PRCC: variants seen among roughly 807,000 people sequenced by gnomAD.
PRCC encodes the protein proline-rich protein PRCC.
Under a neutral mutation model 44.0 loss-of-function variants are expected in PRCC, and 10 were observed. The ratio of observed to expected loss-of-function variants is 0.23; its 90% CI spans 0.14 to 0.39. PRCC has a LOEUF of 0.39. PRCC is among the 10% of genes least tolerant of loss of function. The probability of loss-of-function intolerance (pLI) is 1.00; values close to 1 mark genes in which losing one functional copy is unlikely to be tolerated. For synonymous variants in PRCC, 278 were observed against 259.5 expected (o/e 1.07, Z -0.69); for missense variants, 573 against 624.7 (o/e 0.92, Z 0.88).
At chr1:156,779,050 C>T (rs1651931228) in intron 1 of PRCC, among the ~76,000 whole-genome samples, 1 of 140,334 alleles carries the variant, frequency 7.1e-6, no homozygotes, top group Non-Finnish European at 1.5e-5. Flanking sequence ...TCCCCCGCCT[C>T]AGCCTCCCAA....
At chr1:156,787,580 C>T (rs913294462) in intron 3 of PRCC, among the ~76,000 whole-genome samples, 10 of 142,106 alleles carry the variant, frequency 7.0e-5, no homozygotes, top group African/African-American at 2.4e-4. Flanking sequence ...TTGCATGTCA[C>T]GGGTTTGGTG....
At chr1:156,789,197 T>C (rs1476790168) in intron 3 of PRCC, among the ~76,000 whole-genome samples, 2 of 152,226 alleles carry the variant, frequency 1.3e-5, no homozygotes, top group East Asian at 3.8e-4. Context: ...CTGGAACTCC[T>C]GATCTCAGGT....
At chr1:156,791,169 T>G in intron 3 of PRCC, 1 of 1,400,606 alleles carries the variant, frequency 7.1e-7, no homozygotes, top group Non-Finnish European at 9.7e-7. Flanking sequence ...CTTTGTAAGT[T>G]TCATTGTATC....
chr1:156,769,919 C>T (rs1266660716), intron 1 of PRCC, among the ~76,000 whole-genome samples: 1 of 152,066 alleles, frequency 6.6e-6, no homozygotes, highest in African/African-American at 2.4e-5. Flanking sequence ...CATTTTATTT[C>T]CCCCTTCTTT....
intron 3 of PRCC, 55 bp downstream of exon 3, chr1:156,787,229 G>C: frequency 6.5e-7 from 1 of 1,529,224 alleles, no homozygotes; most frequent in Non-Finnish European, 8.9e-7. Context: ...GGTGGTCAAG[G>C]AGAGCTTTGA....
intron 1 of PRCC, among the ~76,000 whole-genome samples, chr1:156,779,128 ATTTTTTTTT>A (rs869088692): frequency 2.5e-3 from 88 of 35,826 alleles, no homozygotes; most frequent in African/African-American, 5.8e-3. Context: ...ATATATATAT[ATTTTTTTTT>A]TTTTTTTTTT....
intron 1 of PRCC, among the ~76,000 whole-genome samples, chr1:156,769,058 G>A (rs563351330): frequency 2.1e-4 from 32 of 152,354 alleles, no homozygotes; most frequent in African/African-American, 6.3e-4. Context: ...GGCTCCTGGA[G>A]TGAGGGCTTT....
chr1:156,778,184 C>T lies in PRCC; in HGVS notation c.469-4098C>T, dbSNP rs760678483. Among the ~76,000 whole-genome samples the T allele has an allele frequency of 3.9e-5, 6 of 152,180 alleles. No individual in the cohort carries two copies. The South Asian group carries it at 8.3e-4, about 21-fold the overall frequency. On this transcript the variant is annotated intron_variant, in intron 1 of 6. Coordinates refer to ENST00000271526, the MANE Select transcript of PRCC (RefSeq NM_005973.5). The stretch of plus-strand genomic sequence containing the variant: ...ATTCTTCCTGTCTGAGATTTTGTGC[C>T]CTTTTACCATCGTCTCCTCAGTGGT...
intron 1 of PRCC, among the ~76,000 whole-genome samples, chr1:156,775,508 T>TA (rs1335871948): frequency 1.4e-5 from 2 of 139,574 alleles, no homozygotes; most frequent in East Asian, 2.7e-4. Context: ...ATGGCCGATT[T>TA]AAAATTTTTT....
chr1:156,785,947 G>C lies in PRCC; in HGVS notation c.517-661G>C, dbSNP rs185047078. Among the ~76,000 whole-genome samples the C allele has an allele frequency of 5.4e-4, 82 of 152,098 alleles. No homozygotes were observed. In the Middle Eastern group the frequency reaches 0.014, roughly 25 times the overall value. ...CTGCCTCAGCCTCCCAAGTAGCTGA[G>C]ATTACAGGCACCCACCACCATGCCT... On this transcript the variant is annotated intron_variant, in intron 2 of 6. Coordinates refer to ENST00000271526, the MANE Select transcript of PRCC (RefSeq NM_005973.5).
intron 2 of PRCC, among the ~76,000 whole-genome samples, chr1:156,783,939 T>C (rs1652140241): frequency 6.9e-6 from 1 of 145,936 alleles, no homozygotes; most frequent in Admixed American, 7.1e-5. Flanking sequence ...TTTGTATTTA[T>C]TTATTTAATT....
intron 4 of PRCC, 116 bp from the exon 5 acceptor site, chr1:156,794,549 T>C: frequency 7.9e-7 from 1 of 1,265,530 alleles, no homozygotes; most frequent in Non-Finnish European, 1.1e-6. Flanking sequence ...CGTAGAGAAC[T>C]GAGGGTGCCT....
chr1:156,776,853 T>C (rs1651846742), intron 1 of PRCC, among the ~76,000 whole-genome samples: 1 of 152,136 alleles, frequency 6.6e-6, no homozygotes, highest in South Asian at 2.1e-4. Context: ...GAGATAAGTC[T>C]TCATGGTCAA....
chr1:156,769,598 T>A (rs56036625), intron 1 of PRCC, among the ~76,000 whole-genome samples: 4,798 of 152,130 alleles, frequency 0.032, 265 homozygotes, highest in African/African-American at 0.11. Flanking sequence ...TTTTAAATTT[T>A]TTTTATTTTT....
In PRCC at chr1:156,788,134, T is replaced by C. The variant is rs140295766; in HGVS notation, c.1083+960T>C. Among the ~76,000 whole-genome samples the C allele has an allele frequency of 3.1e-3, 467 of 152,314 alleles. 4 individuals are homozygous for C. Among genetic ancestry groups the C allele is most frequent in the African/African-American group, 0.011 (441 of 41,572 alleles). ...TATAGTGTGAGCCACCACACTTGGC[T>C]GTAATAGGTAGTTTTTGATCCTTAC... On this transcript the variant is annotated intron_variant, in intron 3 of 6. Transcript: ENST00000271526.
Position 156,767,571 on chromosome 1 carries a change from C to G in PRCC, c.-201C>G. ...GTGTGTAGTTGCCCGGGACTAGGAG[C>G]TTAAGTGAAGAGGTACGCCTTGTTC... On this transcript the variant is annotated 5_prime_UTR_variant, in exon 1 of 7. Coordinates refer to ENST00000271526, the MANE Select transcript of PRCC (RefSeq NM_005973.5). 1.7e-6 allele frequency: 1 copy of G among 601,078 alleles called. No homozygotes were observed. 37.2% of individuals were successfully genotyped at this position (601,078 alleles called of 1,614,324 possible). A position where few individuals can be genotyped will look rare whatever the true frequency, so the allele number is the denominator to read the frequency against.
intron 5 of PRCC, 105 bp downstream of exon 5, chr1:156,794,913 C>G: frequency 7.0e-7 from 1 of 1,435,344 alleles, no homozygotes; most frequent in Non-Finnish European, 9.6e-7. Flanking sequence ...TGTCACAGCA[C>G]CTTTAGCAAA....
intron 1 of PRCC, among the ~76,000 whole-genome samples, chr1:156,770,521 T>C (rs910379693): frequency 1.3e-5 from 2 of 152,242 alleles, no homozygotes; most frequent in African/African-American, 4.8e-5. Flanking sequence ...ATTACAGGCA[T>C]GTGCCACCAC....
At position 156,793,503 on chromosome 1, in the gene PRCC, T is replaced by G. The variant is rs560183154; in HGVS notation, c.1180-1162T>G. ...AGAAAGTTTACTGGGCTTTTTTTTT[T>G]TTTTCTTTACCTTAAAAGCTTTTGA... On this transcript the variant is annotated intron_variant, in intron 4 of 6. Transcript: ENST00000271526. 5.8e-4 allele frequency among the ~76,000 whole-genome samples: 89 copies of G among 152,228 alleles called. 2 individuals are homozygous for G. In the South Asian group the frequency reaches 0.018, roughly 31 times the overall value.
Sources: gnomAD v4.1 joint callset for allele counts (sites outside exome capture counted in the v4.1 genomes callset) on GRCh38, gnomAD v4.1.1 for gene constraint, MANE v1.5 for transcripts, NCBI Gene and HGNC (gene_info 2026-07-23, HGNC 2026-07-21) for gene names.